Variants in UNC80 observed in about 807,000 individuals in gnomAD.
UNC80 encodes the protein unc-80 subunit of NALCN channel complex.
In UNC80, 164 loss-of-function variants were observed where a neutral mutation model predicts 384.6. The observed-to-expected ratio is 0.43, with a 90% CI of 0.38 to 0.49. The LOEUF (loss-of-function observed/expected upper bound fraction) is 0.49. UNC80 is among the 20% of genes least tolerant of loss of function. The pLI is 0.00. For missense variants in UNC80, 3,330 were observed against 4,143.0 expected (o/e 0.80, Z 5.39); for synonymous variants, 1,486 against 1,527.8 (o/e 0.97, Z 0.64).
At chr2:209,903,688 G>A (rs552171485) in intron 28 of UNC80, among the ~76,000 whole-genome samples, 1 of 132,860 alleles carries the variant, frequency 7.5e-6, no homozygotes, top group Non-Finnish European at 1.5e-5. Context: ...TGGTTAGAGG[G>A]GGAATGTATT....
intron 22 of UNC80, among the ~76,000 whole-genome samples, 191 bp downstream of exon 22, chr2:209,849,814 ACTGT>A (rs1254745343): frequency 3.3e-5 from 5 of 151,598 alleles, no homozygotes; most frequent in African/African-American, 1.2e-4. Context: ...TGGGAAATAG[ACTGT>A]CTAAATATGT....
intron 29 of UNC80, among the ~76,000 whole-genome samples, chr2:209,910,959 T>G (rs1260051422): frequency 2.6e-5 from 4 of 151,986 alleles, no homozygotes; most frequent in Non-Finnish European, 4.4e-5. Flanking sequence ...ATGGCTATCA[T>G]TGGGTTGGGG....
At chr2:209,794,541 A>G (rs1231773557) in intron 7 of UNC80, among the ~76,000 whole-genome samples, 1 of 152,206 alleles carries the variant, frequency 6.6e-6, no homozygotes. Flanking sequence ...TAACTTACAT[A>G]CTATAAAATT....
At position 209,993,394 on chromosome 2, in the gene UNC80, G is replaced by A. The variant is rs369075541; in HGVS notation, c.9476G>A (p.Arg3159His). The change falls in exon 63 of 65, where the codon CGC becomes CAC. Residue 3159 changes from arginine (R) to histidine (H), a missense_variant. By Grantham distance (29) the Arg-to-His change is conservative (BLOSUM62 0). Around this residue, in one of 8 missense-constraint regions of UNC80, gnomAD observed 236 missense variants for 254.9 expected, o/e 0.93. Coordinates refer to ENST00000673920, the MANE Select transcript of UNC80 (RefSeq NM_001371986.1). ...NRQGARLSTT[R>H]RSIQPKTKPS... ...CAAGGGGCTCGGCTGTCAACCACTC[G>A]CAGGAGCATTCAACCTAAAACGAAG... The A allele has an allele frequency of 5.2e-6, 8 of 1,551,576 alleles. No homozygotes were observed. The highest frequency in any genetic ancestry group is 4.1e-5 in the African/African-American group (3 of 73,140).
chr2:209,826,417 G>T (rs2153828233), intron 14 of UNC80, among the ~76,000 whole-genome samples: 1 of 152,268 alleles, frequency 6.6e-6, no homozygotes, highest in East Asian at 1.9e-4. Flanking sequence ...ATCTGCCTGG[G>T]TACTGTAGAA....
At chr2:209,814,535 C>T (rs1282219240) in intron 8 of UNC80, among the ~76,000 whole-genome samples, 1 of 152,158 alleles carries the variant, frequency 6.6e-6, no homozygotes, top group African/African-American at 2.4e-5. Context: ...CATGAGCCAC[C>T]GCGCCTGGCC....
chr2:209,853,086 G>A (rs1026120947), intron 22 of UNC80, among the ~76,000 whole-genome samples: 6 of 152,064 alleles, frequency 3.9e-5, no homozygotes, highest in Non-Finnish European at 8.8e-5. Context: ...CAGATAGATA[G>A]AGACATAGTT....
At chr2:209,806,465 C>T (rs758820581) in intron 7 of UNC80, among the ~76,000 whole-genome samples, 5 of 152,212 alleles carry the variant, frequency 3.3e-5, no homozygotes, top group Non-Finnish European at 7.3e-5. Context: ...CAGCAACGTA[C>T]ACCCACATGT....
chr2:209,854,964 A>AT (rs1228569632), intron 22 of UNC80, among the ~76,000 whole-genome samples: 1 of 152,238 alleles, frequency 6.6e-6, no homozygotes, highest in Non-Finnish European at 1.5e-5. Flanking sequence ...CCAAAGGACT[A>AT]TAAGTCATTC....
At chr2:209,995,004 G>C (rs762768142) in intron 64 of UNC80, among the ~76,000 whole-genome samples, 5 of 151,924 alleles carry the variant, frequency 3.3e-5, no homozygotes, top group African/African-American at 4.8e-5. Context: ...TGGTATTTAA[G>C]GAAAACTAAA....
intron 31 of UNC80, among the ~76,000 whole-genome samples, chr2:209,915,664 G>A (rs1401841445): frequency 1.3e-5 from 2 of 152,136 alleles, no homozygotes; most frequent in Non-Finnish European, 1.5e-5. Context: ...TACAGAGTGT[G>A]AATTGTTACT....
chr2:209,983,203 T>C (rs1348246671), intron 60 of UNC80, among the ~76,000 whole-genome samples: 1 of 152,152 alleles, frequency 6.6e-6, no homozygotes, highest in Non-Finnish European at 1.5e-5. Context: ...ATAAAACCAG[T>C]TTATATGTAG....
Position 209,838,743 on chromosome 2 carries a change from C to T in UNC80, c.3042-479C>T, listed in dbSNP as rs571708373. On this transcript the variant is annotated intron_variant, in intron 18 of 64. Transcript: ENST00000673920. ...TTGGCAGGCTGAGGCAGACGGATCA[C>T]GAGGTCAGGAGATTGAGACCATCCT... 7.2e-5 allele frequency among the ~76,000 whole-genome samples: 11 copies of T among 152,148 alleles called. No individual in the cohort carries two copies. The South Asian group carries it at 1.5e-3, about 20-fold the overall frequency.
intron 20 of UNC80, among the ~76,000 whole-genome samples, chr2:209,841,088 AAT>A (rs148262805): frequency 6.7e-6 from 1 of 148,648 alleles, no homozygotes; most frequent in East Asian, 1.9e-4. Flanking sequence ...AAGAAGAAAG[AAT>A]CTCGGGATGA....
chr2:209,877,867 T>C (rs536966239), intron 23 of UNC80, 87 bp from the exon 24 acceptor site: 1 of 1,331,680 alleles, frequency 7.5e-7, no homozygotes, highest in Non-Finnish European at 9.9e-7. Context: ...TCTCATTAAT[T>C]GGTTGCTTAT....
In UNC80 at chr2:209,995,527, A is replaced by C; in HGVS notation, c.9907A>C (p.Ser3303Arg). ...TGGCATGGAGAACCCGCTACTATCT[A>C]GTCAGTTCACCTTTACTCCCACTGA... ...ENGMENPLLS[S>R]QFTFTPTELG... Residue 3303 changes from serine to arginine, a missense_variant, in exon 65 of 65, where the codon AGT becomes CGT. By Grantham distance (110) the Ser-to-Arg change is moderately radical (BLOSUM62 -1). Coordinates refer to ENST00000673920, the MANE Select transcript of UNC80 (RefSeq NM_001371986.1). 1 of 1,551,992 alleles carries C rather than the reference A, an allele frequency of 6.4e-7. No individual in the cohort carries two copies. The highest frequency in any genetic ancestry group is 8.7e-7 in the Non-Finnish European group (1 of 1,147,056).
At chr2:209,823,731 G>A (rs1002030134) in intron 13 of UNC80, among the ~76,000 whole-genome samples, 3 of 151,706 alleles carry the variant, frequency 2.0e-5, no homozygotes, top group Non-Finnish European at 4.4e-5. Flanking sequence ...TGCCTTTCAT[G>A]TTTTGACTCT....
intron 25 of UNC80, 62 bp from the exon 26 acceptor site, chr2:209,888,033 C>T (rs2085986429): frequency 1.3e-6 from 2 of 1,502,584 alleles, no homozygotes; most frequent in African/African-American, 2.8e-5. Context: ...GGAGGCTTGC[C>T]GCGAGACCAA....
chr2:209,978,346 C>T (rs10208927), intron 58 of UNC80, among the ~76,000 whole-genome samples, 183 bp from the exon 59 acceptor site: 1,912 of 152,192 alleles, frequency 0.013, 55 homozygotes, highest in African/African-American at 0.044. Flanking sequence ...TATCAGTGGC[C>T]AATATTGATT....
Sources: allele counts gnomAD v4.1 joint callset (sites outside exome capture counted in the v4.1 genomes callset), GRCh38; gene constraint gnomAD v4.1.1; regional missense constraint gnomAD v4.1.1; transcripts MANE v1.5; gene names NCBI Gene and HGNC (gene_info 2026-07-23, HGNC 2026-07-21).